Variants in HIBCH observed in about 807,000 individuals in gnomAD.
The protein encoded by HIBCH is 3-hydroxyisobutyryl-CoA hydrolase, mitochondrial.
A neutral mutation model predicts 58.2 loss-of-function variants in HIBCH; 50 were observed. The observed-to-expected ratio is 0.86, with a 90% CI of 0.68 to 1.09. The LOEUF is 1.09. Among genes scored for constraint, HIBCH ranks in the 50% least tolerant of loss-of-function variants. HIBCH has a pLI of 0.00. For synonymous variants in HIBCH, 151 were observed against 146.9 expected (o/e 1.03, Z -0.20); for missense variants, 450 against 449.7 (o/e 1.00, Z -0.01).
intron 11 of HIBCH, among the ~76,000 whole-genome samples, chr2:190,221,496 T>A (rs1370867882): frequency 1.3e-5 from 2 of 152,174 alleles, no homozygotes; most frequent in African/African-American, 4.8e-5. Context: ...CATGGCAGCA[T>A]ACAAATTTTA....
chr2:190,248,736 C>T lies in HIBCH; in HGVS notation c.750+904G>A, dbSNP rs138364955. 3.0e-4 allele frequency among the ~76,000 whole-genome samples: 46 copies of T among 152,232 alleles called. No homozygotes were observed. The East Asian group carries it at 7.5e-3, about 25-fold the overall frequency. On this transcript the variant is annotated intron_variant, in intron 9 of 13. Coordinates refer to ENST00000359678, the MANE Select transcript of HIBCH (RefSeq NM_014362.4). ...ATTAGCTGGGCATGGTAGCACACGCCTGTAATCCCAGCTACTCGGGAGGCT... is the reference window on the plus strand; with the variant it reads ...ATTAGCTGGGCATGGTAGCACACGCTTGTAATCCCAGCTACTCGGGAGGCT...
Position 190,205,024 on chromosome 2 carries a change from A to G in HIBCH, c.*93T>C, listed in dbSNP as rs1272852870. 4.1e-6 allele frequency: 3 copies of G among 725,204 alleles called. No homozygotes were observed. The highest frequency in any genetic ancestry group is 7.6e-6 in the Non-Finnish European group (3 of 393,094). The allele number at this position is 725,204 out of a possible 1,614,324, so 44.9% of individuals were successfully genotyped here. ...AATGCGGAAACCATTCTTAGCTTAC[A>G]GGGTATATAAAAACAGGCAGCAGGC... On this transcript the variant is annotated 3_prime_UTR_variant, in exon 14 of 14. Coordinates refer to ENST00000359678, the MANE Select transcript of HIBCH (RefSeq NM_014362.4).
chr2:190,307,029 T>C (rs1688430929), intron 2 of HIBCH, among the ~76,000 whole-genome samples: 1 of 152,186 alleles, frequency 6.6e-6, no homozygotes, highest in Admixed American at 6.5e-5. Context: ...TTTTGTTTTT[T>C]ATAAGCTACC....
At chr2:190,240,186 T>C (rs1686409537) in intron 11 of HIBCH, among the ~76,000 whole-genome samples, 1 of 152,208 alleles carries the variant, frequency 6.6e-6, no homozygotes, top group Non-Finnish European at 1.5e-5. Context: ...AAATTGTTAT[T>C]GGTCTATTTA....
chr2:190,292,537 T>C (rs953121985), intron 4 of HIBCH, among the ~76,000 whole-genome samples: 4 of 152,158 alleles, frequency 2.6e-5, no homozygotes, highest in Non-Finnish European at 5.9e-5. Flanking sequence ...TCTCGAACTC[T>C]TGAGCTCAGG....
intron 2 of HIBCH, among the ~76,000 whole-genome samples, chr2:190,298,761 T>C (rs1355279435): frequency 1.3e-5 from 2 of 152,224 alleles, no homozygotes; most frequent in Non-Finnish European, 2.9e-5. Flanking sequence ...AGATCCCATT[T>C]GTCAATTTTG....
rs138133633 is a variant in HIBCH, at chr2:190,307,469, C to A, written c.78+3285G>T. Among the ~76,000 whole-genome samples the A allele has an allele frequency of 8.5e-4, 130 of 152,168 alleles. 1 individual carries two copies. Among genetic ancestry groups the A allele is most frequent in the African/African-American group, 3.1e-3 (128 of 41,514 alleles). ...GGAAGATCATTTGTGCCCAGAGGTT[C>A]GAGGCCAGTCTGGGCAACACAGAAA... On this transcript the variant is annotated intron_variant, in intron 2 of 13. Transcript: ENST00000359678.
At chr2:190,301,393 T>C (rs1406764592) in intron 2 of HIBCH, among the ~76,000 whole-genome samples, 2 of 152,196 alleles carry the variant, frequency 1.3e-5, no homozygotes, top group African/African-American at 4.8e-5. Context: ...CCTTAGTGTT[T>C]GTCAACAACA....
intron 6 of HIBCH, among the ~76,000 whole-genome samples, chr2:190,285,660 C>T (rs554828417): frequency 1.0e-4 from 15 of 149,992 alleles, no homozygotes; most frequent in Admixed American, 4.6e-4. Context: ...TGGCCTCATA[C>T]TACCTACCTA....
rs564391857 is a variant in HIBCH, at chr2:190,287,119, T to C, written c.438+467A>G. ...CTTTGTCACCCAGGCTGGAGTGCAG[T>C]GGTGCAATCTCAGCTCACTACAAGC... On this transcript the variant is annotated intron_variant, in intron 6 of 13. Coordinates refer to ENST00000359678, the MANE Select transcript of HIBCH (RefSeq NM_014362.4). 6.4e-4 allele frequency among the ~76,000 whole-genome samples: 98 copies of C among 151,938 alleles called. 1 individual carries two copies. In the South Asian group the frequency reaches 0.02, roughly 31 times the overall value.
chr2:190,250,647 G>A (rs745963656), intron 8 of HIBCH: 51 of 182,702 alleles, frequency 2.8e-4, no homozygotes, highest in Middle Eastern at 1.5e-3. Flanking sequence ...CTCAAGGGAA[G>A]CATGAGACTA....
intron 11 of HIBCH, among the ~76,000 whole-genome samples, chr2:190,219,540 C>T (rs1249924713): frequency 3.9e-5 from 6 of 152,150 alleles, no homozygotes; most frequent in African/African-American, 7.2e-5. Context: ...TTGTTCTTAT[C>T]GGCCTGCCCA....
intron 11 of HIBCH, among the ~76,000 whole-genome samples, chr2:190,218,373 C>T (rs929403895): frequency 5.3e-5 from 8 of 152,060 alleles, no homozygotes; most frequent in Admixed American, 5.2e-4. Context: ...ATATTAATTA[C>T]CATAAACAAC....
In HIBCH at chr2:190,209,069, G is replaced by A. The variant is rs970122970; in HGVS notation, c.1012-156C>T. Reference sequence around the variant, plus strand: ...AACCACCTCTGATAGCCCACTCTCTGATCACCACCTCCTAAATCTTATTTG... The same window carrying A: ...AACCACCTCTGATAGCCCACTCTCTAATCACCACCTCCTAAATCTTATTTG... On this transcript the variant is annotated intron_variant, in intron 12 of 13. Transcript: ENST00000359678. The surrounding 1 kb of genome is among the most constrained non-coding windows in gnomAD (Gnocchi z 5.6). Among the ~76,000 whole-genome samples the A allele has an allele frequency of 1.3e-5, 2 of 151,984 alleles. No homozygotes were observed. The highest frequency in any genetic ancestry group is 4.8e-5 in the African/African-American group (2 of 41,380).
chr2:190,207,013 T>A lies in HIBCH; in HGVS notation c.1046-1781A>T, dbSNP rs767155301. ...GGCAGGCGCTTTTAGTCCCAGCTAC[T>A]CGGGAGGCTGAGGCAGGAGAATGGT... On this transcript the variant is annotated intron_variant, in intron 13 of 13. Transcript: ENST00000359678. The surrounding 1 kb of genome is among the most constrained non-coding windows in gnomAD (Gnocchi z 4.5). Among the ~76,000 whole-genome samples the A allele has an allele frequency of 3.3e-5, 5 of 152,012 alleles. No individual in the cohort carries two copies. The highest frequency in any genetic ancestry group is 7.4e-5 in the Non-Finnish European group (5 of 68,012).
intron 6 of HIBCH, among the ~76,000 whole-genome samples, chr2:190,270,268 CTTTT>C (rs33918420): frequency 2.1e-5 from 3 of 143,420 alleles, no homozygotes; most frequent in Non-Finnish European, 4.5e-5. Flanking sequence ...GTTATTACAC[CTTTT>C]TTTTTTTTAA....
chr2:190,229,982 G>C (rs77987368), intron 11 of HIBCH, among the ~76,000 whole-genome samples: 1 of 152,128 alleles, frequency 6.6e-6, no homozygotes, highest in Non-Finnish European at 1.5e-5. Context: ...GTTGGTTACT[G>C]TAGAGAGCTT....
intron 6 of HIBCH, among the ~76,000 whole-genome samples, chr2:190,266,366 AT>A: frequency 6.6e-6 from 1 of 152,338 alleles, no homozygotes; most frequent in East Asian, 1.9e-4. Context: ...ATGTTCGAAT[AT>A]TTCTTATGAT....
At chr2:190,262,695 A>T (rs1575733559) in intron 6 of HIBCH, among the ~76,000 whole-genome samples, 1 of 152,238 alleles carries the variant, frequency 6.6e-6, no homozygotes. Context: ...AAAGAAACTT[A>T]AAAACCCCAT....
Sources: allele counts gnomAD v4.1 joint callset (sites outside exome capture counted in the v4.1 genomes callset), GRCh38; gene constraint gnomAD v4.1.1; non-coding constraint Gnocchi (gnomAD v3.1); transcripts MANE v1.5; gene names NCBI Gene and HGNC (gene_info 2026-07-23, HGNC 2026-07-21).